Variants in FRMD3 observed in about 807,000 individuals in gnomAD.
FRMD3 encodes the protein FERM domain-containing protein 3.
A neutral mutation model predicts 70.2 loss-of-function variants in FRMD3; 33 were observed. That is an observed-to-expected ratio of 0.47 (90% CI 0.36 to 0.63). The LOEUF is 0.63. Ranked by LOEUF, FRMD3 falls within the 20% of genes least tolerant of loss-of-function variation. FRMD3 has a pLI of 0.00. For synonymous variants in FRMD3, 279 were observed against 255.9 expected (o/e 1.09, Z -0.86); for missense variants, 632 against 711.4 (o/e 0.89, Z 1.27).
Position 83,244,725 on chromosome 9 carries a change from G to A in FRMD3, c.*3193C>T. On this transcript the variant is annotated 3_prime_UTR_variant, in exon 14 of 14. Coordinates refer to ENST00000304195, the MANE Select transcript of FRMD3 (RefSeq NM_174938.6). ...TGCAAATTTCACTATACAAAGGTAA[G>A]GCTCCAATCACAGTAACATGGCCCC... 4.1e-6 allele frequency: 4 copies of A among 984,878 alleles called. No homozygotes were observed. The highest frequency in any genetic ancestry group is 1.7e-5 in the African/African-American group (1 of 57,314). The allele number at this position is 984,878 out of a possible 1,614,324, so 61.0% of individuals were successfully genotyped here.
chr9:83,563,813 C>T, the FRMD3 span, among the ~76,000 whole-genome samples: 6 of 152,128 alleles, frequency 3.9e-5, no homozygotes, highest in African/African-American at 1.4e-4. Context: ...AAACATTATC[C>T]TACCACAAGA....
chr9:83,515,817 C>T (rs1829442529), intron 1 of FRMD3, among the ~76,000 whole-genome samples: 2 of 152,218 alleles, frequency 1.3e-5, no homozygotes, highest in African/African-American at 4.8e-5. Context: ...CCAATATTAA[C>T]ATTCTTAAAG....
chr9:83,500,748 G>A (rs997436988), intron 1 of FRMD3, among the ~76,000 whole-genome samples: 1 of 152,104 alleles, frequency 6.6e-6, no homozygotes, highest in Non-Finnish European at 1.5e-5. Context: ...TACATCCTGT[G>A]GACTCTAACA....
intron 1 of FRMD3, among the ~76,000 whole-genome samples, chr9:83,536,210 GCACTAGTTGGGT>G (rs1488827180): frequency 6.6e-6 from 1 of 152,130 alleles, no homozygotes; most frequent in African/African-American, 2.4e-5. Flanking sequence ...AACCTCTTTG[GCACTAGTTGGGT>G]CATAAGCACT....
chr9:83,564,701 T>C, the FRMD3 span, among the ~76,000 whole-genome samples: 1 of 152,230 alleles, frequency 6.6e-6, no homozygotes, highest in Non-Finnish European at 1.5e-5. Flanking sequence ...CCATTGTCCA[T>C]ACTCAAGAGC....
At chr9:83,453,571 C>T (rs1468898089) in intron 1 of FRMD3, among the ~76,000 whole-genome samples, 2 of 150,498 alleles carry the variant, frequency 1.3e-5, no homozygotes, top group Non-Finnish European at 3.0e-5. Context: ...AAAGTATGCA[C>T]AGAATTTCAA....
At chr9:83,443,044 A>C (rs1209258482) in intron 1 of FRMD3, among the ~76,000 whole-genome samples, 4 of 152,238 alleles carry the variant, frequency 2.6e-5, no homozygotes, top group Non-Finnish European at 4.4e-5. Flanking sequence ...TAAATATAGA[A>C]ATAGTGGAAG....
chr9:83,348,257 T>C (rs921834256), intron 4 of FRMD3, among the ~76,000 whole-genome samples: 1 of 152,104 alleles, frequency 6.6e-6, no homozygotes, highest in Non-Finnish European at 1.5e-5. Flanking sequence ...CTTCTCTCTC[T>C]CTCTCTTTTT....
At chr9:83,585,039 G>A in the FRMD3 span, among the ~76,000 whole-genome samples, 1 of 152,134 alleles carries the variant, frequency 6.6e-6, no homozygotes, top group Non-Finnish European at 1.5e-5. Flanking sequence ...TAAAACCTTA[G>A]GAACATCACT....
intron 3 of FRMD3, among the ~76,000 whole-genome samples, chr9:83,356,519 G>A (rs1264287674): frequency 2.6e-5 from 4 of 151,132 alleles, no homozygotes; most frequent in African/African-American, 7.3e-5. Flanking sequence ...TTCGTGATCC[G>A]CCCACCTCGG....
At chr9:83,582,100 T>C in the FRMD3 span, among the ~76,000 whole-genome samples, 2 of 152,074 alleles carry the variant, frequency 1.3e-5, no homozygotes, top group Non-Finnish European at 2.9e-5. Flanking sequence ...AGAGACAGGA[T>C]CTCACTCTGT....
chr9:83,283,496 A>G (rs1834053980), intron 13 of FRMD3, among the ~76,000 whole-genome samples: 1 of 149,960 alleles, frequency 6.7e-6, no homozygotes, highest in Non-Finnish European at 1.5e-5. Flanking sequence ...GCACCACTAC[A>G]CTCCAGCCTG....
At chr9:83,583,984 G>T in the FRMD3 span, among the ~76,000 whole-genome samples, 2 of 152,194 alleles carry the variant, frequency 1.3e-5, no homozygotes, top group Non-Finnish European at 2.9e-5. Flanking sequence ...AGCCTCCTTC[G>T]ATAGTGATTC....
At chr9:83,563,000 A>G in the FRMD3 span, among the ~76,000 whole-genome samples, 8 of 151,396 alleles carry the variant, frequency 5.3e-5, no homozygotes, top group Non-Finnish European at 1.2e-4. Context: ...AAAAAAAAAA[A>G]GAATGAGAGG....
intron 13 of FRMD3, among the ~76,000 whole-genome samples, chr9:83,250,879 AG>A (rs568902331): frequency 1.3e-5 from 2 of 152,208 alleles, no homozygotes; most frequent in Non-Finnish European, 2.9e-5. Context: ...TGGAGCTCCC[AG>A]GGGAAGGGGC....
intron 6 of FRMD3, among the ~76,000 whole-genome samples, chr9:83,320,726 A>G (rs1460844282): frequency 2.6e-5 from 4 of 152,078 alleles, no homozygotes; most frequent in Non-Finnish European, 5.9e-5. Flanking sequence ...TCTATTTTTT[A>G]GAACAGTTTC....
intron 5 of FRMD3, 122 bp downstream of exon 5, chr9:83,343,068 C>G (rs985841197): frequency 2.6e-5 from 19 of 737,664 alleles, no homozygotes; most frequent in Non-Finnish European, 4.2e-5. Flanking sequence ...ACGTACCCAG[C>G]CCTACATGGT....
chr9:83,254,833 C>G (rs554820633), intron 13 of FRMD3, among the ~76,000 whole-genome samples: 1 of 152,164 alleles, frequency 6.6e-6, no homozygotes, highest in South Asian at 2.1e-4. Flanking sequence ...CAGAGAGAAA[C>G]TGAATATCTG....
Position 83,310,544 on chromosome 9 carries a change from C to A in FRMD3, c.778G>T (p.Asp260Tyr). The A allele has an allele frequency of 6.3e-7, 1 of 1,596,696 alleles. No individual in the cohort carries two copies. Among genetic ancestry groups the A allele is most frequent in the East Asian group, 2.3e-5 (1 of 44,284 alleles). Reference protein sequence around the residue: ...NKRIHLIKWPDVCKLKFEGKT... With the variant: ...NKRIHLIKWPYVCKLKFEGKT... ...CCTTCAAACTTCAATTTGCAGACAT[C>A]TGGCCTAAGAAAAGAAAATCTCTGG... The change falls in exon 9 of 14, where the codon GAT (aspartate) becomes TAT (tyrosine). Residue 260 changes from aspartate (D) to tyrosine (Y), a missense_variant. This residue lies in a region of FRMD3 where 418 missense variants were observed against 442.1 expected (regional missense o/e 0.95). Coordinates refer to ENST00000304195, the MANE Select transcript of FRMD3 (RefSeq NM_174938.6).
Sources: allele counts gnomAD v4.1 joint callset (sites outside exome capture counted in the v4.1 genomes callset), GRCh38; gene constraint gnomAD v4.1.1; regional missense constraint gnomAD v4.1.1; transcripts MANE v1.5; gene names NCBI Gene and HGNC (gene_info 2026-07-23, HGNC 2026-07-21).